Variants in CNBD1 observed in about 807,000 individuals in gnomAD.
CNBD1 encodes cyclic nucleotide-binding domain-containing protein 1.
In CNBD1, 71 loss-of-function variants were observed where a neutral mutation model predicts 54.4. The observed-to-expected ratio is 1.30, with a 90% CI of 1.08 to 1.59. The LOEUF is 1.59. Among genes scored for constraint, CNBD1 ranks in the 40% most tolerant of loss-of-function variants. The pLI is 0.00. For missense variants in CNBD1, 659 were observed against 518.0 expected, an observed-to-expected ratio of 1.27 and a Z score of -2.64; for synonymous variants, 182 against 170.7, an observed-to-expected ratio of 1.07 and a Z score of -0.51.
chr8:87,066,860 CT>C (rs1198092101), intron 4 of CNBD1, among the ~76,000 whole-genome samples: 1 of 151,776 alleles, frequency 6.6e-6, no homozygotes, highest in Non-Finnish European at 1.5e-5. Context: ...TTTAATTTTA[CT>C]TCCTATAATT....
intron 4 of CNBD1, among the ~76,000 whole-genome samples, chr8:87,054,809 G>T (rs1810380521): frequency 6.6e-6 from 1 of 152,132 alleles, no homozygotes; most frequent in South Asian, 2.1e-4. Flanking sequence ...CTCCACAAAA[G>T]GGAACTTGAT....
intron 5 of CNBD1, among the ~76,000 whole-genome samples, chr8:87,216,915 GC>G (rs1439796450): frequency 6.6e-6 from 1 of 152,192 alleles, no homozygotes; most frequent in African/African-American, 2.4e-5. Context: ...TGAAATACTG[GC>G]TTATAGAAAT....
At chr8:87,012,883 A>G (rs1325455270) in intron 4 of CNBD1, among the ~76,000 whole-genome samples, 8 of 152,194 alleles carry the variant, frequency 5.3e-5, no homozygotes, top group Non-Finnish European at 1.5e-5. Context: ...CATGCATCCT[A>G]AAATACATAA....
intron 4 of CNBD1, among the ~76,000 whole-genome samples, chr8:86,940,599 A>C (rs770078587): frequency 1.3e-5 from 2 of 152,206 alleles, no homozygotes; most frequent in Non-Finnish European, 2.9e-5. Context: ...TTTGTGAATA[A>C]AATTAAACGA....
intron 8 of CNBD1, among the ~76,000 whole-genome samples, chr8:87,350,509 C>T (rs1043930661): frequency 2.6e-5 from 4 of 151,324 alleles, no homozygotes; most frequent in Non-Finnish European, 5.9e-5. Context: ...CAATTGTTAC[C>T]GTGTTATTTT....
chr8:87,233,416 T>G (rs1202127320), intron 5 of CNBD1, among the ~76,000 whole-genome samples: 1 of 152,224 alleles, frequency 6.6e-6, no homozygotes, highest in Non-Finnish European at 1.5e-5. Flanking sequence ...ATAAAACTTA[T>G]GTTTGCATTA....
chr8:87,402,882 G>A (rs1177894706), intron 2 of CNBD1, among the ~76,000 whole-genome samples: 3 of 151,996 alleles, frequency 2.0e-5, no homozygotes, highest in South Asian at 2.1e-4. Flanking sequence ...GTAGTTTGGG[G>A]AATAAATATT....
chr8:86,896,775 C>T (rs1426867978), intron 2 of CNBD1, among the ~76,000 whole-genome samples: 2 of 152,036 alleles, frequency 1.3e-5, no homozygotes, highest in Non-Finnish European at 2.9e-5. Flanking sequence ...GTGTTCTTGC[C>T]AACAGAATGG....
At chr8:87,363,469 G>C (rs368310102) in intron 10 of CNBD1, among the ~76,000 whole-genome samples, 10 of 152,206 alleles carry the variant, frequency 6.6e-5, no homozygotes, top group African/African-American at 2.4e-4. Flanking sequence ...CACCAACAGT[G>C]TAAAAGTGTT....
chr8:87,139,750 G>A (rs1036684631), intron 4 of CNBD1, among the ~76,000 whole-genome samples: 2 of 152,070 alleles, frequency 1.3e-5, no homozygotes, highest in African/African-American at 2.4e-5. Flanking sequence ...AAAGACTAGG[G>A]GTCAAAGGCC....
At chr8:87,038,663 T>C (rs569579826) in intron 4 of CNBD1, among the ~76,000 whole-genome samples, 1 of 152,332 alleles carries the variant, frequency 6.6e-6, no homozygotes, top group South Asian at 2.1e-4. Flanking sequence ...TCCTAATGTA[T>C]TGGCCATTCA....
intron 2 of CNBD1, among the ~76,000 whole-genome samples, chr8:86,898,378 CTT>C (rs1338959855): frequency 1.3e-5 from 2 of 152,024 alleles, no homozygotes; most frequent in African/African-American, 4.8e-5. Context: ...CTTGTATACT[CTT>C]TGAATTACTA....
At chr8:87,402,077 G>T (rs1389580238) in intron 2 of CNBD1, among the ~76,000 whole-genome samples, 1 of 152,012 alleles carries the variant, frequency 6.6e-6, no homozygotes, top group Non-Finnish European at 1.5e-5. Context: ...TCACAATCAT[G>T]GTGGAAGGTG....
chr8:86,890,828 C>A (rs938102351), intron 2 of CNBD1, among the ~76,000 whole-genome samples: 1 of 151,942 alleles, frequency 6.6e-6, no homozygotes. Context: ...TTTCATTTCC[C>A]CATTGATTAG....
chr8:87,329,102 A>G (rs915034061), intron 8 of CNBD1, among the ~76,000 whole-genome samples: 25 of 151,878 alleles, frequency 1.6e-4, no homozygotes, highest in Non-Finnish European at 1.0e-4. Flanking sequence ...TTTTTGTGAA[A>G]AGTATATGGT....
chr8:87,059,637 A>C (rs1344115479), intron 4 of CNBD1, among the ~76,000 whole-genome samples: 5 of 152,242 alleles, frequency 3.3e-5, no homozygotes, highest in African/African-American at 1.2e-4. Context: ...AAACCATCAG[A>C]TCTTGTGAGA....
At chr8:87,138,924 G>A (rs6468686) in intron 4 of CNBD1, among the ~76,000 whole-genome samples, 2,516 of 152,242 alleles carry the variant, frequency 0.017, 67 homozygotes, top group African/African-American at 0.057. Flanking sequence ...TATTTTAGGA[G>A]GCTTTATTGA....
At chr8:87,302,420 C>CTT (rs1013696250) in intron 8 of CNBD1, among the ~76,000 whole-genome samples, 2 of 150,746 alleles carry the variant, frequency 1.3e-5, no homozygotes, top group Non-Finnish European at 3.0e-5. Flanking sequence ...CAGAAAAGGC[C>CTT]TTTGACAAAA....
chr8:87,069,442 A>T (rs1416190276), intron 4 of CNBD1, among the ~76,000 whole-genome samples: 1 of 152,046 alleles, frequency 6.6e-6, no homozygotes, highest in Non-Finnish European at 1.5e-5. Flanking sequence ...AATACTTACC[A>T]TTACATTACA....
Sources: gnomAD v4.1 joint callset for allele counts (sites outside exome capture counted in the v4.1 genomes callset) on GRCh38, gnomAD v4.1.1 for gene constraint, MANE v1.5 for transcripts, NCBI Gene and HGNC (gene_info 2026-07-23, HGNC 2026-07-21) for gene names.